Variants in MEX3D observed in about 807,000 individuals in gnomAD.
MEX3D encodes the protein RNA-binding protein MEX3D.
Under a neutral mutation model 6.3 loss-of-function variants are expected in MEX3D, and 4 were observed. The ratio of observed to expected loss-of-function variants is 0.64; its 90% confidence interval spans 0.31 to 1.46. The LOEUF (loss-of-function observed/expected upper bound fraction) is 1.46. Ranked by LOEUF, MEX3D falls within the 40% of genes most tolerant of loss-of-function variation. The probability of loss-of-function intolerance (pLI) is 0.07; values close to 1 mark genes in which losing one functional copy is unlikely to be tolerated. For missense variants in MEX3D, 1,038 were observed against 994.4 expected, an observed-to-expected ratio of 1.04 and a Z score of -0.59; for synonymous variants, 626 against 494.1, an observed-to-expected ratio of 1.27 and a Z score of -3.54.
chr19:1,555,348 G>C lies in MEX3D; in HGVS notation c.*215C>G. ...CTGACCACTCAATACTGTCGTTGAAGGGCTGAGGCGCCGCCGGGCTGCGGG... is the reference window on the plus strand; with the variant it reads ...CTGACCACTCAATACTGTCGTTGAACGGCTGAGGCGCCGCCGGGCTGCGGG... On this transcript the variant is annotated 3_prime_UTR_variant, in exon 2 of 2. Transcript: ENST00000402693. 1 of 1,601,368 alleles carries C rather than the reference G, an allele frequency of 6.2e-7. No homozygotes were observed. The highest frequency in any genetic ancestry group is 8.5e-7 in the Non-Finnish European group (1 of 1,173,528).
Position 1,555,145 on chromosome 19 carries a change from C to A in MEX3D, c.*418G>T, listed in dbSNP as rs1914478742. On this transcript the variant is annotated 3_prime_UTR_variant, in exon 2 of 2. Coordinates refer to ENST00000402693, the MANE Select transcript of MEX3D (RefSeq NM_203304.4). ...GAACGTCTGTGCGGCCTGAGACCGG[C>A]CGGCGAGAAAAGTCAAATCAGAAAA... is the stretch of plus-strand genomic sequence containing the variant. 1 of 455,164 alleles carries A rather than the reference C, an allele frequency of 2.2e-6. No homozygotes were observed. Among genetic ancestry groups the A allele is most frequent in the East Asian group, 8.9e-5 (1 of 11,224 alleles). 28.2% of individuals were successfully genotyped at this position (455,164 alleles called of 1,614,324 possible). A position where few individuals can be genotyped will look rare whatever the true frequency, so the allele number is the denominator to read the frequency against.
intron 1 of MEX3D, among the ~76,000 whole-genome samples, chr19:1,560,918 G>A (rs1405093770): frequency 6.6e-6 from 1 of 152,190 alleles, no homozygotes; most frequent in Non-Finnish European, 1.5e-5. Context: ...CTGCCCCACT[G>A]GAAATGACAC....
intron 1 of MEX3D, among the ~76,000 whole-genome samples, chr19:1,562,119 G>A (rs1467526247): frequency 6.6e-6 from 1 of 151,998 alleles, no homozygotes; most frequent in African/African-American, 2.4e-5. Context: ...AAATTAGCCG[G>A]GTGTGGTGGT....
intron 1 of MEX3D, among the ~76,000 whole-genome samples, chr19:1,560,608 G>C (rs894071410): frequency 1.3e-4 from 20 of 152,172 alleles, no homozygotes; most frequent in Admixed American, 9.8e-4. Flanking sequence ...AGGTGGCAAG[G>C]AAGGGGGCGT....
At chr19:1,560,322 C>G (rs1914685458) in intron 1 of MEX3D, among the ~76,000 whole-genome samples, 1 of 152,204 alleles carries the variant, frequency 6.6e-6, no homozygotes, top group Admixed American at 6.5e-5. Context: ...CCCAGCAAGG[C>G]TGGGGAAGGA....
Position 1,556,259 on chromosome 19 carries a change from G to T in MEX3D, c.1260C>A (p.Pro420=), listed in dbSNP as rs1456343546. 18 of 1,348,396 alleles carry T rather than the reference G, an allele frequency of 1.3e-5. No individual in the cohort carries two copies. Among genetic ancestry groups the T allele is most frequent in the Non-Finnish European group, 1.7e-5 (18 of 1,055,092 alleles). The allele number at this position is 1,348,396 out of a possible 1,614,324, so 83.5% of individuals were successfully genotyped here. ...RGGPSVPDPG[P]ASPYSGSGNG... ...TGCCGGAGCCGCTGTAGGGGCTGGC[G>T]GGGCCTGGGTCCGGCACGGAGGGGC... Residue 420 remains proline (P), a synonymous_variant, in exon 2 of 2, where the codon CCC becomes CCA. Coordinates refer to ENST00000402693, the MANE Select transcript of MEX3D (RefSeq NM_203304.4). This position sits in a 1 kb window ranked among gnomAD's most constrained non-coding sequence, Gnocchi z 7.5.
In MEX3D at chr19:1,554,720, TAA is replaced by T. The variant is rs1467629785; in HGVS notation, c.*841_*842del. Reference sequence around the variant, plus strand: ...TTAAGAAGGCTTTGAAGTCAAAAAATAAAACTCTTGATACAATTTTTTTAACC... The same window carrying T: ...TTAAGAAGGCTTTGAAGTCAAAAAATAACTCTTGATACAATTTTTTTAACC... On this transcript the variant is annotated 3_prime_UTR_variant, in exon 2 of 2. Coordinates refer to ENST00000402693, the MANE Select transcript of MEX3D (RefSeq NM_203304.4). The T allele has an allele frequency of 1.3e-5, 2 of 152,420 alleles. No homozygotes were observed. Among genetic ancestry groups the T allele is most frequent in the African/African-American group, 4.8e-5 (2 of 41,448 alleles). The allele number at this position is 152,420 out of a possible 1,614,324, so 9.4% of individuals were successfully genotyped here.
rs900125528 is a variant in MEX3D at position 1,554,825 on chromosome 19, AAT to A, written c.*736_*737del. 1 of 152,250 alleles carries A rather than the reference AAT, an allele frequency of 6.6e-6. No individual in the cohort carries two copies. The highest frequency in any genetic ancestry group is 1.5e-5 in the Non-Finnish European group (1 of 68,032). 9.4% of individuals were successfully genotyped at this position (152,250 alleles called of 1,614,324 possible). On this transcript the variant is annotated 3_prime_UTR_variant, in exon 2 of 2. Transcript: ENST00000402693. ...AGGTCCATTACTTTATTTAAAATAAAATATATTTTAGTTCTTAAAATTTATTC... is the reference window on the plus strand; with the variant it reads ...AGGTCCATTACTTTATTTAAAATAAAATATTTTAGTTCTTAAAATTTATTC...
rs1312945928 is a variant in MEX3D, at chr19:1,556,340, G to A, written c.1179C>T (p.Asp393=). The change falls in exon 2 of 2, where the codon GAC becomes GAT. Residue 393 remains aspartate, a synonymous_variant. Coordinates refer to ENST00000402693, the MANE Select transcript of MEX3D (RefSeq NM_203304.4). This position sits in a 1 kb window ranked among gnomAD's most constrained non-coding sequence, Gnocchi z 7.5. ...PPTATAGLRG[D]TALGAPSAPE... is the part of the protein sequence containing the mutation. ...GGGCGCTGGGGGCGCCCAGGGCCGT[G>A]TCCCCGCGGAGGCCGGCCGTGGCCG... 2 of 1,396,316 alleles carry A rather than the reference G, an allele frequency of 1.4e-6. No individual in the cohort carries two copies. Among genetic ancestry groups the A allele is most frequent in the Non-Finnish European group, 1.8e-6 (2 of 1,083,656 alleles). The allele number at this position is 1,396,316 out of a possible 1,614,324, so 86.5% of individuals were successfully genotyped here. A position where few individuals can be genotyped will look rare whatever the true frequency, so the allele number is the denominator to read the frequency against.
chr19:1,566,448 TCCCGAGGGC>T (rs1914842188), intron 1 of MEX3D, among the ~76,000 whole-genome samples: 1 of 152,096 alleles, frequency 6.6e-6, no homozygotes, highest in African/African-American at 2.4e-5. Context: ...TGGCCTGGAT[TCCCGAGGGC>T]CCCGGGGAGG....
At chr19:1,562,260 CA>C (rs34005757) in intron 1 of MEX3D, among the ~76,000 whole-genome samples, 211 of 99,708 alleles carry the variant, frequency 2.1e-3, no homozygotes, top group Non-Finnish European at 1.8e-3. Context: ...GACTCCGTCT[CA>C]AAAAAAAAAA....
intron 1 of MEX3D, among the ~76,000 whole-genome samples, chr19:1,558,685 G>A (rs1055971634): frequency 6.6e-6 from 1 of 152,192 alleles, no homozygotes; most frequent in South Asian, 2.1e-4. Flanking sequence ...ATTTTCTTCC[G>A]GCCAAATGAC....
In MEX3D at chr19:1,556,866, C is replaced by T; in HGVS notation, c.653G>A (p.Arg218Gln). The T allele has an allele frequency of 3.1e-6, 5 of 1,612,432 alleles. No homozygotes were observed. Among genetic ancestry groups the T allele is most frequent in the Non-Finnish European group, 4.2e-6 (5 of 1,179,804 alleles). ...KTNTYIKTPVRGEEPVFIVTG... is the reference protein window; with the variant it reads ...KTNTYIKTPVQGEEPVFIVTG... ...CACGATGAAGACCGGCTCCTCGCCC[C>T]GCACTGGGGTCTTGATGTAGGTGTT... The change falls in exon 2 of 2, where the codon CGG becomes CAG. Residue 218 changes from arginine (R) to glutamine (Q), a missense_variant. This residue lies in a region of MEX3D where 75 missense variants were observed against 125.1 expected (regional missense o/e 0.60). Coordinates refer to ENST00000402693, the MANE Select transcript of MEX3D (RefSeq NM_203304.4). This position sits in a 1 kb window ranked among gnomAD's most constrained non-coding sequence, Gnocchi z 7.5.
rs915332810 is a variant in MEX3D at position 1,556,148 on chromosome 19, G to A, written c.1371C>T (p.Phe457=). The A allele has an allele frequency of 2.6e-5, 38 of 1,475,278 alleles. No individual in the cohort carries two copies. The highest frequency in any genetic ancestry group is 3.1e-5 in the Non-Finnish European group (35 of 1,113,750). The allele number at this position is 1,475,278 out of a possible 1,614,324, so 91.4% of individuals were successfully genotyped here. A position where few individuals can be genotyped will look rare whatever the true frequency, so the allele number is the denominator to read the frequency against. ...APDDCDFGFD[F]DFLALDLTVP... ...CGGTCAGGTCCAGCGCCAGGAAGTC[G>A]AAGTCGAAGCCGAAGTCGCAGTCGT... The change falls in exon 2 of 2, where the codon TTC becomes TTT. Residue 457 remains phenylalanine, a synonymous_variant. Coordinates refer to ENST00000402693, the MANE Select transcript of MEX3D (RefSeq NM_203304.4). The surrounding 1 kb of genome is among the most constrained non-coding windows in gnomAD (Gnocchi z 7.5).
chr19:1,567,920 G>C lies in MEX3D; in HGVS notation c.139C>G (p.Arg47Gly). ...GCGTCGTCGGGTTCGGGCGGCGGCCGGGGCGCGGGCGCGGCCTCCTGGGCG... is the reference window on the plus strand; with the variant it reads ...GCGTCGTCGGGTTCGGGCGGCGGCCCGGGCGCGGGCGCGGCCTCCTGGGCG... ...EGAQEAAPAP[R>G]PPPEPDDAAA... is the part of the protein sequence containing the mutation. The change falls in exon 1 of 2, where the codon CGG becomes GGG. Residue 47 changes from arginine (R) to glycine (G), a missense_variant. Coordinates refer to ENST00000402693, the MANE Select transcript of MEX3D (RefSeq NM_203304.4). The surrounding 1 kb of genome is among the most constrained non-coding windows in gnomAD (Gnocchi z 6.5). 1.0e-6 allele frequency: 1 copy of C among 979,868 alleles called. No homozygotes were observed. Among genetic ancestry groups the C allele is most frequent in the Non-Finnish European group, 1.2e-6 (1 of 827,774 alleles). The allele number at this position is 979,868 out of a possible 1,614,324, so 60.7% of individuals were successfully genotyped here.
Position 1,568,256 on chromosome 19 carries a change from G to T in MEX3D, c.-198C>A, listed in dbSNP as rs1914908774. On this transcript the variant is annotated 5_prime_UTR_variant, in exon 1 of 2. Coordinates refer to ENST00000402693, the MANE Select transcript of MEX3D (RefSeq NM_203304.4). ...CCGGGCCGGGCCGGGCGGCGGCAGC[G>T]ACTCTGGCTGCGGCTCGGCGGCGGC... Among the ~76,000 whole-genome samples the T allele has an allele frequency of 7.1e-6, 1 of 141,070 alleles. No individual in the cohort carries two copies. Among genetic ancestry groups the T allele is most frequent in the Admixed American group, 6.9e-5 (1 of 14,418 alleles). The allele number at this position is 141,070 out of a possible 152,430, so 92.5% of individuals were successfully genotyped here.
Position 1,555,435 on chromosome 19 carries a change from A to G in MEX3D, c.*128T>C, listed in dbSNP as rs371016488. 1.3e-3 allele frequency: 1,260 copies of G among 975,714 alleles called. 22 individuals are homozygous for G. In the African/African-American group the frequency reaches 0.02, roughly 15 times the overall value. 60.4% of individuals were successfully genotyped at this position (975,714 alleles called of 1,614,324 possible). ...CATCTGTAAACACTGGCCGCCGCCC[A>G]CCCCCCTGCCCCCTCGGCCTCCGCC... On this transcript the variant is annotated 3_prime_UTR_variant, in exon 2 of 2. Coordinates refer to ENST00000402693, the MANE Select transcript of MEX3D (RefSeq NM_203304.4).
Position 1,555,183 on chromosome 19 carries a change from A to G in MEX3D, c.*380T>C, listed in dbSNP as rs1195888709. 8 of 778,164 alleles carry G rather than the reference A, an allele frequency of 1.0e-5. No individual in the cohort carries two copies. In the East Asian group the frequency reaches 4.7e-4, roughly 46 times the overall value. 48.2% of individuals were successfully genotyped at this position (778,164 alleles called of 1,614,324 possible). A position where few individuals can be genotyped will look rare whatever the true frequency, so the allele number is the denominator to read the frequency against. The stretch of plus-strand genomic sequence containing the variant: ...TCAAATCAGAAAACGGCTTCGGACG[A>G]AAGGAAAAAACGCTGAGCGCTGGAA... On this transcript the variant is annotated 3_prime_UTR_variant, in exon 2 of 2. Transcript: ENST00000402693.
chr19:1,555,759 G>A lies in MEX3D; in HGVS notation c.1760C>T (p.Pro587Leu). 3.3e-6 allele frequency: 5 copies of A among 1,495,128 alleles called. No homozygotes were observed. Among genetic ancestry groups the A allele is most frequent in the Non-Finnish European group, 4.4e-6 (5 of 1,128,676 alleles). 92.6% of individuals were successfully genotyped at this position (1,495,128 alleles called of 1,614,324 possible). A position where few individuals can be genotyped will look rare whatever the true frequency, so the allele number is the denominator to read the frequency against. Residue 587 changes from proline (P) to leucine (L), a missense_variant, in exon 2 of 2, where the codon CCC becomes CTC. Around this residue, in one of 5 missense-constraint regions of MEX3D, gnomAD observed 581 missense variants for 516.2 expected, o/e 1.13. Coordinates refer to ENST00000402693, the MANE Select transcript of MEX3D (RefSeq NM_203304.4). ...GGCCGGGGCCGAGGACGCCGAAGGG[G>A]GCTTGCGGCTGTTCTCGGAGGCGCC... is the stretch of plus-strand genomic sequence containing the variant. ...DSGASENSRK[P>L]PSASSAPALA...
Sources: allele counts gnomAD v4.1 joint callset (sites outside exome capture counted in the v4.1 genomes callset), GRCh38; gene constraint gnomAD v4.1.1; regional missense constraint gnomAD v4.1.1; non-coding constraint Gnocchi (gnomAD v3.1); transcripts MANE v1.5; gene names NCBI Gene and HGNC (gene_info 2026-07-23, HGNC 2026-07-21).